The following CILP variants were observed in gnomAD, a reference collection of about 807,000 sequenced individuals.
CILP encodes the protein cartilage intermediate layer protein, also known as cartilage intermediate layer protein 1.
In CILP, 75 loss-of-function variants were observed where a neutral mutation model predicts 82.5. That is an observed-to-expected ratio of 0.91 (90% CI 0.75 to 1.10). The LOEUF is 1.10. Ranked by LOEUF, CILP falls within the 50% of genes least tolerant of loss-of-function variation. The probability of loss-of-function intolerance (pLI) is 0.00; values close to 1 mark genes in which losing one functional copy is unlikely to be tolerated. For missense variants in CILP, 1,479 were observed against 1,530.8 expected, an observed-to-expected ratio of 0.97 and a Z score of 0.56; for synonymous variants, 530 against 580.3, an observed-to-expected ratio of 0.91 and a Z score of 1.25.
At chr15:65,203,037 A>G (rs1450416642) in intron 7 of CILP, among the ~76,000 whole-genome samples, 2 of 151,740 alleles carry the variant, frequency 1.3e-5, no homozygotes, top group African/African-American at 4.8e-5. Context: ...GGGCTTTACT[A>G]TGTTGTCCAG....
rs769257680 is a variant in CILP, at chr15:65,203,414, C to T, written c.976G>A (p.Val326Met). ...CCTGTGGCCTTACAGCACAGAGACACGCTCTGCCCAGCTCTCCGTGCTTTT... is the reference window on the plus strand; with the variant it reads ...CCTGTGGCCTTACAGCACAGAGACATGCTCTGCCCAGCTCTCCGTGCTTTT... ...ETKARRAGQS[V>M]SLCCKATGKP... Residue 326 changes from valine to methionine, a missense_variant, in exon 7 of 9, where the codon GTG (valine) becomes ATG (methionine). Transcript: ENST00000261883. 2.9e-5 allele frequency: 47 copies of T among 1,613,052 alleles called. No individual in the cohort carries two copies. Among genetic ancestry groups the T allele is most frequent in the South Asian group, 4.4e-5 (4 of 91,024 alleles).
chr15:65,207,104 TCTC>T, intron 3 of CILP, 53 bp from the exon 4 acceptor site: 1 of 1,570,668 alleles, frequency 6.4e-7, no homozygotes, highest in Non-Finnish European at 8.6e-7. Context: ...GCGCTCCAGT[TCTC>T]CTTTCCCTCT....
chr15:65,205,236 C>A (rs1337889976), intron 5 of CILP, 51 bp downstream of exon 5: 1 of 1,535,026 alleles, frequency 6.5e-7, no homozygotes, highest in South Asian at 1.2e-5. Context: ...CCTCCTCATT[C>A]TTCAGCCTCA....
rs780911952 is a variant in CILP at position 65,195,512 on chromosome 15, T to G, written c.*1219A>C. 3.9e-5 allele frequency: 6 copies of G among 152,254 alleles called. No homozygotes were observed. The highest frequency in any genetic ancestry group is 8.8e-5 in the Non-Finnish European group (6 of 68,056). 9.4% of individuals were successfully genotyped at this position (152,254 alleles called of 1,614,324 possible). A position where few individuals can be genotyped will look rare whatever the true frequency, so the allele number is the denominator to read the frequency against. On this transcript the variant is annotated 3_prime_UTR_variant, in exon 9 of 9. Transcript: ENST00000261883. ...CCAAAACTCTGCCCGTTTGGACCAA[T>G]TGTTTTGCTCCAGGGACAGGGTCTG... is the stretch of plus-strand genomic sequence containing the variant.
At position 65,205,493 on chromosome 15, in the gene CILP, T is replaced by C. The variant is rs772312079; in HGVS notation, c.425-27A>G. 3.2e-6 allele frequency: 5 copies of C among 1,570,328 alleles called. No individual in the cohort carries two copies. In the Admixed American group the frequency reaches 8.7e-5, roughly 27 times the overall value. On this transcript the variant is annotated intron_variant, in intron 4 of 8. Transcript: ENST00000261883. ...TGCAAAGTGAGATCAGCAGACGGTC[T>C]GATTTCCCTCTTGAGGGAACTCTGT...
intron 2 of CILP, 127 bp downstream of exon 2, chr15:65,209,568 A>T: frequency 1.3e-6 from 1 of 755,428 alleles, no homozygotes; most frequent in Non-Finnish European, 2.3e-6. Context: ...GAATAAATCC[A>T]TAAAGTGGCC....
intron 4 of CILP, among the ~76,000 whole-genome samples, chr15:65,205,697 G>A (rs1454310943): frequency 6.6e-6 from 1 of 152,204 alleles, no homozygotes; most frequent in Admixed American, 6.5e-5. Context: ...GGCCCTGAGC[G>A]GTGCTTGTTG....
Position 65,198,672 on chromosome 15 carries a change from C to T in CILP, c.1614G>A (p.Val538=). 3 of 1,614,228 alleles carry T rather than the reference C, an allele frequency of 1.9e-6. No individual in the cohort carries two copies. The highest frequency in any genetic ancestry group is 2.5e-6 in the Non-Finnish European group (3 of 1,180,046). ...TCTGCAGCCTGTCCACAAATGTGAG[C>T]ACCAGCCTCTCAGTGTCCTGGGGGA... ...LHVPQDTERL[V]LTFVDRLQKF... is the part of the protein sequence containing the mutation. Residue 538 remains valine, a synonymous_variant, in exon 9 of 9, where the codon GTG becomes GTA. Transcript: ENST00000261883.
chr15:65,199,798 G>A (rs934731385), intron 8 of CILP, among the ~76,000 whole-genome samples: 2 of 152,174 alleles, frequency 1.3e-5, no homozygotes, highest in Non-Finnish European at 2.9e-5. Context: ...CCTCCAGCCT[G>A]GGCGACAGAG....
Position 65,204,443 on chromosome 15 carries a change from C to G in CILP, c.744G>C (p.Lys248Asn), listed in dbSNP as rs1266279102. 1.2e-6 allele frequency: 2 copies of G among 1,614,050 alleles called. No individual in the cohort carries two copies. Among genetic ancestry groups the G allele is most frequent in the African/African-American group, 2.7e-5 (2 of 74,940 alleles). The change falls in exon 6 of 9, where the codon AAG becomes AAC. Residue 248 changes from lysine to asparagine, a missense_variant. Physicochemically the swap from Lys to Asn is moderately conservative, Grantham distance 94. Coordinates refer to ENST00000261883, the MANE Select transcript of CILP (RefSeq NM_003613.4). ...ASGAAIYLLT[K>N]TPKLLTQTDS... ...CTGTCTGGGTCAGCAGCTTCGGCGTCTTGGTCAGGAGGTAGATAGCAGCCC... is the reference window on the plus strand; with the variant it reads ...CTGTCTGGGTCAGCAGCTTCGGCGTGTTGGTCAGGAGGTAGATAGCAGCCC...
rs373920072 is a variant in CILP at position 65,198,783 on chromosome 15, A to C, written c.1503T>G (p.Asn501Lys). The C allele has an allele frequency of 6.2e-7, 1 of 1,614,164 alleles. No homozygotes were observed. The highest frequency in any genetic ancestry group is 8.5e-7 in the Non-Finnish European group (1 of 1,180,036). ...IVRGRVSAAD[N>K]GEPMRFGHVY... is the part of the protein sequence containing the mutation. ...CATGGCCAAAGCGCATGGGCTCCCC[A>C]TTGTCAGCAGCACTGACACGGCCCC... Residue 501 changes from asparagine (N) to lysine (K), a missense_variant, in exon 9 of 9, where the codon AAT (asparagine) becomes AAG (lysine). Asn to Lys is a moderately conservative substitution (Grantham distance 94, BLOSUM62 0). Transcript: ENST00000261883.
rs763516453 is a variant in CILP at position 65,197,453 on chromosome 15, A to G, written c.2833T>C (p.Trp945Arg). 6.2e-7 allele frequency: 1 copy of G among 1,614,250 alleles called. No individual in the cohort carries two copies. Among genetic ancestry groups the G allele is most frequent in the South Asian group, 1.1e-5 (1 of 91,086 alleles). Residue 945 changes from tryptophan (W) to arginine (R), a missense_variant, in exon 9 of 9, where the codon TGG becomes CGG. Transcript: ENST00000261883. ...GCCCTGAATTCCATCGGCTTTGGCC[A>G]CCATGCCAGATAGTCTTCAGTCCAG... The part of the protein sequence containing the change: ...MSWTEDYLAW[W>R]PKPMEFRACY...
chr15:65,207,605 G>A, intron 3 of CILP, 67 bp downstream of exon 3: 2 of 1,409,986 alleles, frequency 1.4e-6, no homozygotes, highest in Non-Finnish European at 2.0e-6. Flanking sequence ...CCTGGCTTCA[G>A]AGATCCACTT....
chr15:65,204,118 G>T, intron 6 of CILP, 150 bp downstream of exon 6: 1 of 649,578 alleles, frequency 1.5e-6, no homozygotes, highest in Non-Finnish European at 2.6e-6. Context: ...GAGAAGAAAT[G>T]GAGGGCCAGA....
rs377013006 is a variant in CILP, at chr15:65,197,955, C to T, written c.2331G>A (p.Val777=). ...SEQIQGVVIS[V]INLEPRTGFL... Reference sequence around the variant, plus strand: ...AGCCAGTTCTAGGCTCCAGGTTAATCACGGAGATCACAACCCCCTGGATCT... The same window carrying T: ...AGCCAGTTCTAGGCTCCAGGTTAATTACGGAGATCACAACCCCCTGGATCT... The change falls in exon 9 of 9, where the codon GTG becomes GTA. Residue 777 remains valine (V), a synonymous_variant. Coordinates refer to ENST00000261883, the MANE Select transcript of CILP (RefSeq NM_003613.4). 1.4e-5 allele frequency: 22 copies of T among 1,614,158 alleles called. No homozygotes were observed. In the African/African-American group the frequency reaches 2.8e-4, roughly 21 times the overall value.
chr15:65,209,625 G>C, intron 2 of CILP, 70 bp downstream of exon 2: 1 of 1,485,884 alleles, frequency 6.7e-7, no homozygotes, highest in Non-Finnish European at 9.4e-7. Flanking sequence ...GCATAGTTCA[G>C]TCCCAGACCA....
intron 3 of CILP, 55 bp downstream of exon 3, chr15:65,207,616 CG>C: frequency 6.7e-7 from 1 of 1,495,008 alleles, no homozygotes; most frequent in South Asian, 1.1e-5. Flanking sequence ...AGATCCACTT[CG>C]GAAGCTCGTT....
At chr15:65,202,235 T>C (rs2088466247) in intron 7 of CILP, among the ~76,000 whole-genome samples, 1 of 152,160 alleles carries the variant, frequency 6.6e-6, no homozygotes, top group African/African-American at 2.4e-5. Context: ...ACCACGTACC[T>C]GGCTGGGGAT....
intron 7 of CILP, among the ~76,000 whole-genome samples, chr15:65,202,834 C>CTTTTTTTTTTT (rs10634666): frequency 6.8e-5 from 8 of 117,564 alleles, no homozygotes; most frequent in Admixed American, 9.3e-5. Flanking sequence ...GGGACCACAG[C>CTTTTTTTTTTT]TTTTTTTTTT....
Sources: allele counts gnomAD v4.1 joint callset (sites outside exome capture counted in the v4.1 genomes callset), GRCh38; gene constraint gnomAD v4.1.1; transcripts MANE v1.5; gene names NCBI Gene and HGNC (gene_info 2026-07-23, HGNC 2026-07-21).